Variants in MAGI1 observed in about 807,000 individuals in gnomAD.
MAGI1 encodes the protein membrane associated guanylate kinase, WW and PDZ domain containing 1, also known as membrane-associated guanylate kinase, WW and PDZ domain-containing protein 1.
MAGI1 carries 58 observed loss-of-function variants against 139.9 expected under a neutral mutation model. That is an observed-to-expected ratio of 0.41 (90% CI 0.34 to 0.52). The LOEUF (loss-of-function observed/expected upper bound fraction) is 0.52, where lower values mean the gene tolerates loss of function less well. Among genes scored for constraint, MAGI1 ranks in the 20% least tolerant of loss-of-function variants. MAGI1 has a pLI of 0.12. For missense variants in MAGI1, 1,874 were observed against 1,901.6 expected, an observed-to-expected ratio of 0.99 and a Z score of 0.27; for synonymous variants, 812 against 737.9, an observed-to-expected ratio of 1.10 and a Z score of -1.63.
chr3:65,753,614 G>A lies in MAGI1; in HGVS notation c.314-131526C>T, dbSNP rs575360773. On this transcript the variant is annotated intron_variant, in intron 1 of 22. Transcript: ENST00000402939. ...CACATGCCTGTAATCCCAGCTACTC[G>A]GGAGGCTGAGGCAGCAGAATCACTT... 4.6e-5 allele frequency among the ~76,000 whole-genome samples: 7 copies of A among 151,532 alleles called. No homozygotes were observed. The East Asian group carries it at 9.7e-4, about 21-fold the overall frequency.
chr3:65,493,418 T>C, intron 3 of MAGI1, 94 bp downstream of exon 3: 1 of 1,507,246 alleles, frequency 6.6e-7, no homozygotes, highest in Non-Finnish European at 9.1e-7. Context: ...TGTTTAGACC[T>C]CCAGATTCCA....
chr3:65,468,459 T>G (rs1451685832), intron 5 of MAGI1, among the ~76,000 whole-genome samples: 1 of 130,910 alleles, frequency 7.6e-6, no homozygotes, highest in Non-Finnish European at 1.6e-5. Flanking sequence ...CACTGCAACC[T>G]CCACCTCCCA....
At chr3:65,783,095 C>T (rs112822720) in intron 1 of MAGI1, among the ~76,000 whole-genome samples, 4,791 of 151,706 alleles carry the variant, frequency 0.032, 117 homozygotes, top group African/African-American at 0.064. Flanking sequence ...AGTGAAAAGG[C>T]AACCTACTGG....
chr3:65,780,750 T>C (rs2038862605), intron 1 of MAGI1, among the ~76,000 whole-genome samples: 1 of 152,302 alleles, frequency 6.6e-6, no homozygotes, highest in African/African-American at 2.4e-5. Context: ...TAAGGAAGGA[T>C]GGCCACCACA....
chr3:65,389,357 G>A (rs564175083), intron 14 of MAGI1, among the ~76,000 whole-genome samples: 5 of 152,206 alleles, frequency 3.3e-5, no homozygotes, highest in South Asian at 2.1e-4. Context: ...CAATTGTCCT[G>A]TCAACCCAGG....
chr3:65,832,422 C>T (rs1379234135), intron 1 of MAGI1, among the ~76,000 whole-genome samples: 6 of 152,130 alleles, frequency 3.9e-5, no homozygotes, highest in Non-Finnish European at 7.4e-5. Context: ...GATGGAGAAT[C>T]ACAAAAGAAT....
chr3:65,540,835 A>G (rs540124823), intron 2 of MAGI1, among the ~76,000 whole-genome samples: 2 of 152,284 alleles, frequency 1.3e-5, no homozygotes, highest in African/African-American at 4.8e-5. Context: ...ATGTTGGTAA[A>G]ATATAATAAC....
intron 1 of MAGI1, among the ~76,000 whole-genome samples, chr3:65,970,106 T>A (rs573763579): frequency 3.3e-5 from 5 of 152,288 alleles, no homozygotes; most frequent in Non-Finnish European, 7.4e-5. Flanking sequence ...CATCAACAGA[T>A]GAATGAATAA....
intron 1 of MAGI1, among the ~76,000 whole-genome samples, chr3:65,751,781 A>G (rs573900102): frequency 7.2e-5 from 11 of 152,326 alleles, no homozygotes; most frequent in African/African-American, 2.6e-4. Context: ...CTCTACATTC[A>G]ATTTTATAGT....
intron 4 of MAGI1, among the ~76,000 whole-genome samples, chr3:65,478,339 T>C (rs924780249): frequency 6.6e-6 from 1 of 152,202 alleles, no homozygotes; most frequent in East Asian, 1.9e-4. Context: ...GATTTCTCGT[T>C]TGCCTTCTTC....
intron 2 of MAGI1, among the ~76,000 whole-genome samples, chr3:65,560,196 C>T (rs2080279771): frequency 6.6e-6 from 1 of 152,176 alleles, no homozygotes; most frequent in Non-Finnish European, 1.5e-5. Flanking sequence ...TGGTACATAT[C>T]AGTGTTGATT....
At chr3:65,872,967 A>G (rs1362279148) in intron 1 of MAGI1, 1 of 152,244 alleles carries the variant, frequency 6.6e-6, no homozygotes, top group Non-Finnish European at 1.5e-5. Context: ...GATGTTCCAT[A>G]TATTAATCTG....
At chr3:65,533,633 C>T (rs566598332) in intron 2 of MAGI1, among the ~76,000 whole-genome samples, 169 of 152,316 alleles carry the variant, frequency 1.1e-3, no homozygotes, top group Middle Eastern at 0.01. Flanking sequence ...TCACTACCCT[C>T]TGAGGAAAGT....
chr3:65,640,477 C>G (rs1008954067), intron 1 of MAGI1, among the ~76,000 whole-genome samples: 8 of 152,130 alleles, frequency 5.3e-5, no homozygotes, highest in African/African-American at 1.9e-4. Context: ...CTCCTTTTCC[C>G]TCAGGTGTCC....
intron 1 of MAGI1, among the ~76,000 whole-genome samples, chr3:65,695,936 AC>A (rs1253690032): frequency 3.3e-5 from 5 of 152,042 alleles, no homozygotes; most frequent in Non-Finnish European, 7.4e-5. Context: ...CCTTGTTGCT[AC>A]CCTCCACAAG....
rs116487070 is a variant in MAGI1, at chr3:65,481,469, T to C, written c.551-2671A>G. Among the ~76,000 whole-genome samples the C allele has an allele frequency of 6.5e-4, 99 of 152,246 alleles. 2 individuals carry two copies. Among genetic ancestry groups the C allele is most frequent in the African/African-American group, 2.2e-3 (91 of 41,554 alleles). ...TTAACTATTTTAAAAATAATCTGCA[T>C]AGTGAGAAAAAAAGGAGAGAGACAA... is the stretch of plus-strand genomic sequence containing the variant. On this transcript the variant is annotated intron_variant, in intron 3 of 22. Coordinates refer to ENST00000402939, the MANE Select transcript of MAGI1 (RefSeq NM_001033057.2).
intron 1 of MAGI1, among the ~76,000 whole-genome samples, chr3:65,655,958 T>C (rs1018835180): frequency 1.3e-5 from 2 of 152,188 alleles, no homozygotes; most frequent in African/African-American, 4.8e-5. Context: ...TTTCTGTCTC[T>C]CTTCAAATCT....
chr3:65,708,381 C>T (rs540449828), intron 1 of MAGI1, among the ~76,000 whole-genome samples: 1 of 152,302 alleles, frequency 6.6e-6, no homozygotes, highest in Non-Finnish European at 1.5e-5. Flanking sequence ...GGAAGAGAGA[C>T]AGAACAGGCT....
At chr3:65,593,480 C>A (rs745749490) in intron 2 of MAGI1, among the ~76,000 whole-genome samples, 31 of 152,140 alleles carry the variant, frequency 2.0e-4, no homozygotes, top group Admixed American at 5.2e-4. Flanking sequence ...GAGTAGAAAT[C>A]TAAATGATTT....
Sources: gnomAD v4.1 joint callset for allele counts (sites outside exome capture counted in the v4.1 genomes callset) on GRCh38, gnomAD v4.1.1 for gene constraint, MANE v1.5 for transcripts, NCBI Gene and HGNC (gene_info 2026-07-23, HGNC 2026-07-21) for gene names.